GPR149: variants seen among roughly 807,000 people sequenced by gnomAD.
GPR149 encodes G protein-coupled receptor 149, also known as probable G protein-coupled receptor 149.
In GPR149, 50 loss-of-function variants were observed where a neutral mutation model predicts 50.2. That is an observed-to-expected ratio of 1.00 (90% CI 0.79 to 1.26). GPR149 has a LOEUF of 1.26. GPR149 is among the 50% of genes most tolerant of loss of function. The pLI is 0.00. For synonymous variants in GPR149, 405 were observed against 358.2 expected (o/e 1.13, Z -1.48); for missense variants, 983 against 895.4 (o/e 1.10, Z -1.25).
chr3:154,337,361 C>T lies in GPR149; in HGVS notation c.*338G>A, dbSNP rs1385618237. Among the ~76,000 whole-genome samples the T allele has an allele frequency of 6.6e-6, 1 of 152,110 alleles. No individual in the cohort carries two copies. Among genetic ancestry groups the T allele is most frequent in the African/African-American group, 2.4e-5 (1 of 41,440 alleles). ...TGTATATAGAAACATATGCATGGAA[C>T]AGTATATTCACTGAGTTTATACAAT... On this transcript the variant is annotated 3_prime_UTR_variant, in exon 4 of 4. Coordinates refer to ENST00000389740, the MANE Select transcript of GPR149 (RefSeq NM_001038705.3).
At chr3:154,350,164 C>T (rs1172446502) in intron 3 of GPR149, among the ~76,000 whole-genome samples, 2 of 151,536 alleles carry the variant, frequency 1.3e-5, no homozygotes, top group Non-Finnish European at 2.9e-5. Flanking sequence ...GCCACTGCAC[C>T]CAGCCTCAGT....
At chr3:154,373,279 G>A (rs977817239) in intron 3 of GPR149, among the ~76,000 whole-genome samples, 3 of 152,040 alleles carry the variant, frequency 2.0e-5, no homozygotes, top group African/African-American at 7.2e-5. Context: ...TTAGATATCA[G>A]GTAGGATAAG....
In GPR149 at chr3:154,352,270, C is replaced by T. The variant is rs1005834482; in HGVS notation, c.1624-13999G>A. Reference sequence around the variant, plus strand: ...CCTGATAGGCCACCAGATGGACCACCTGACTGGCCTGACCCGCCTGACCAG... The same window carrying T: ...CCTGATAGGCCACCAGATGGACCACTTGACTGGCCTGACCCGCCTGACCAG... On this transcript the variant is annotated intron_variant, in intron 3 of 3. Transcript: ENST00000389740. The T allele has an allele frequency of 3.2e-5, 27 of 837,764 alleles. No individual in the cohort carries two copies. The African/African-American group carries it at 4.1e-4, about 13-fold the overall frequency. The allele number at this position is 837,764 out of a possible 1,614,324, so 51.9% of individuals were successfully genotyped here.
intron 3 of GPR149, 39 bp downstream of exon 3, chr3:154,421,000 T>C: frequency 7.1e-7 from 1 of 1,404,580 alleles, no homozygotes; most frequent in Non-Finnish European, 9.8e-7. Flanking sequence ...ATATTTAGTA[T>C]CACTTTCAAT....
chr3:154,429,596 T>C lies in GPR149; in HGVS notation c.20A>G (p.Asn7Ser), dbSNP rs759697588. 5 of 1,612,490 alleles carry C rather than the reference T, an allele frequency of 3.1e-6. No individual in the cohort carries two copies. In the Admixed American group the frequency reaches 6.7e-5, roughly 22 times the overall value. MSLFLS[N>S]LSTNDSSLWK... ...CAGGCTAGAGTCATTTGTTGATAAGTTACTGAGAAATAAAGACATTGTCCT... is the reference window on the plus strand; with the variant it reads ...CAGGCTAGAGTCATTTGTTGATAAGCTACTGAGAAATAAAGACATTGTCCT... The change falls in exon 1 of 4, where the codon AAC (asparagine) becomes AGC (serine). Residue 7 changes from asparagine to serine, a missense_variant. Physicochemically the swap from Asn to Ser is conservative, Grantham distance 46. Coordinates refer to ENST00000389740, the MANE Select transcript of GPR149 (RefSeq NM_001038705.3).
In GPR149 at chr3:154,359,591, T is replaced by C. The variant is rs189679218; in HGVS notation, c.1624-21320A>G. ...GTTATTCAGAGGCAACAGCTTTTCA[T>C]AGACCTCTCCACAAATTTCCCCTTT... On this transcript the variant is annotated intron_variant, in intron 3 of 3. Transcript: ENST00000389740. 5.9e-5 allele frequency among the ~76,000 whole-genome samples: 9 copies of C among 152,314 alleles called. No individual in the cohort carries two copies. In the East Asian group the frequency reaches 9.7e-4, roughly 16 times the overall value.
intron 3 of GPR149, among the ~76,000 whole-genome samples, chr3:154,413,563 C>G (rs1310433131): frequency 1.3e-5 from 2 of 151,724 alleles, no homozygotes; most frequent in Non-Finnish European, 2.9e-5. Flanking sequence ...TGCTCAACAC[C>G]ACTAATGATC....
intron 3 of GPR149, among the ~76,000 whole-genome samples, chr3:154,391,077 A>G (rs1715158819): frequency 6.6e-6 from 1 of 152,140 alleles, no homozygotes; most frequent in South Asian, 2.1e-4. Flanking sequence ...AAGTTCTTCA[A>G]GTTGAAACAA....
At chr3:154,397,850 T>C (rs1032526098) in intron 3 of GPR149, among the ~76,000 whole-genome samples, 1 of 152,194 alleles carries the variant, frequency 6.6e-6, no homozygotes, top group African/African-American at 2.4e-5. Context: ...ATTTAATTTT[T>C]ATCTTACTCA....
chr3:154,396,524 A>AT (rs1275960673), intron 3 of GPR149, among the ~76,000 whole-genome samples: 1 of 152,128 alleles, frequency 6.6e-6, no homozygotes, highest in Admixed American at 6.5e-5. Flanking sequence ...GTAGGGTGTC[A>AT]TTTTTAGACA....
Position 154,339,357 on chromosome 3 carries a change from A to G in GPR149, c.1624-1086T>C, listed in dbSNP as rs77290588. On this transcript the variant is annotated intron_variant, in intron 3 of 3. Transcript: ENST00000389740. ...ACTAAAGAAATGTTGTAGTCCAGAA[A>G]AAAAGGGGTAATGGTGGAGATAAAC... is the stretch of plus-strand genomic sequence containing the variant. 3.4e-3 allele frequency among the ~76,000 whole-genome samples: 518 copies of G among 152,350 alleles called. 3 individuals carry two copies. Among genetic ancestry groups the G allele is most frequent in the Admixed American group, 6.4e-3 (98 of 15,308 alleles).
At chr3:154,353,485 GT>G in intron 3 of GPR149, 1 of 911,036 alleles carries the variant, frequency 1.1e-6, no homozygotes, top group Admixed American at 1.7e-5. Flanking sequence ...ACATGGCACA[GT>G]TTAGAAAGAT....
chr3:154,377,894 C>T (rs1714829244), intron 3 of GPR149, among the ~76,000 whole-genome samples: 1 of 152,076 alleles, frequency 6.6e-6, no homozygotes, highest in South Asian at 2.1e-4. Flanking sequence ...TAATCACTGA[C>T]ATGCCTCTGG....
chr3:154,375,073 T>C lies in GPR149; in HGVS notation c.1624-36802A>G, dbSNP rs1379431853. 2.6e-5 allele frequency among the ~76,000 whole-genome samples: 4 copies of C among 152,188 alleles called. No homozygotes were observed. In the East Asian group the frequency reaches 7.7e-4, roughly 29 times the overall value. ...TCAATATGAAATGCTAATTAAAGTG[T>C]TTACCCAAGAGCCACTTTTTAATAT... On this transcript the variant is annotated intron_variant, in intron 3 of 3. Transcript: ENST00000389740.
At chr3:154,356,437 G>A (rs542671347) in intron 3 of GPR149, among the ~76,000 whole-genome samples, 4 of 152,120 alleles carry the variant, frequency 2.6e-5, no homozygotes, top group Non-Finnish European at 4.4e-5. Context: ...AATCCCCATC[G>A]TCTCAGCCCA....
At chr3:154,380,375 A>T (rs1254306527) in intron 3 of GPR149, among the ~76,000 whole-genome samples, 1 of 152,128 alleles carries the variant, frequency 6.6e-6, no homozygotes, top group Non-Finnish European at 1.5e-5. Flanking sequence ...TTTCTCTACT[A>T]TTTGAATTGA....
chr3:154,366,206 T>A (rs186077844), intron 3 of GPR149, among the ~76,000 whole-genome samples: 3 of 152,138 alleles, frequency 2.0e-5, no homozygotes, highest in Non-Finnish European at 4.4e-5. Flanking sequence ...CTTGTTATAC[T>A]CTCTTCCTGT....
intron 3 of GPR149, among the ~76,000 whole-genome samples, chr3:154,342,844 G>A (rs996212744): frequency 4.6e-5 from 7 of 152,170 alleles, no homozygotes; most frequent in African/African-American, 1.7e-4. Flanking sequence ...TTTTGATTGT[G>A]TATTTGACTA....
chr3:154,395,436 T>TTATA (rs201354563), intron 3 of GPR149, among the ~76,000 whole-genome samples: 2 of 112,084 alleles, frequency 1.8e-5, no homozygotes, highest in African/African-American at 6.1e-5. Context: ...ATATGTAAAA[T>TTATA]TATATATATA....
Sources: gnomAD v4.1 joint callset for allele counts (sites outside exome capture counted in the v4.1 genomes callset) on GRCh38, gnomAD v4.1.1 for gene constraint, MANE v1.5 for transcripts, NCBI Gene and HGNC (gene_info 2026-07-23, HGNC 2026-07-21) for gene names.